HIRA: variants seen among roughly 807,000 people sequenced by gnomAD.
The protein encoded by HIRA is histone cell cycle regulator, also known as protein HIRA.
Under a neutral mutation model 126.6 loss-of-function variants are expected in HIRA, and 13 were observed. That is an observed-to-expected ratio of 0.10 (90% confidence interval 0.07 to 0.16). The LOEUF is 0.16. HIRA is among the 10% of genes least tolerant of loss of function. The pLI, the probability that HIRA is intolerant of heterozygous loss-of-function variation, is 1.00. For missense variants in HIRA, 834 were observed against 1,314.4 expected (o/e 0.63, Z 5.65); for synonymous variants, 511 against 520.0 (o/e 0.98, Z 0.24).
At chr22:19,404,939 G>C (rs1035258481) in intron 5 of HIRA, among the ~76,000 whole-genome samples, 2 of 152,038 alleles carry the variant, frequency 1.3e-5, no homozygotes, top group East Asian at 3.9e-4. Context: ...CCATCTAAAC[G>C]ACTGGAAGAA....
Position 19,351,340 on chromosome 22 carries a change from A to C in HIRA, c.2937+18T>G. 3 of 1,583,594 alleles carry C rather than the reference A, an allele frequency of 1.9e-6. No individual in the cohort carries two copies. The highest frequency in any genetic ancestry group is 2.6e-6 in the Non-Finnish European group (3 of 1,169,484). Reference sequence around the variant, plus strand: ...TTCAAGAAAGAATTCTTGCAGCAACAATGAAAGAAGCACCTACCACTACTG... The same window carrying C: ...TTCAAGAAAGAATTCTTGCAGCAACCATGAAAGAAGCACCTACCACTACTG... On this transcript the variant is annotated intron_variant, in intron 24 of 24. Coordinates refer to ENST00000263208, the MANE Select transcript of HIRA (RefSeq NM_003325.4). The surrounding 1 kb of genome is among the most constrained non-coding windows in gnomAD (Gnocchi z 4.8).
intron 10 of HIRA, among the ~76,000 whole-genome samples, chr22:19,388,236 C>T (rs939152072): frequency 2.0e-5 from 3 of 152,232 alleles, no homozygotes; most frequent in African/African-American, 7.2e-5. Flanking sequence ...TCATTCTCCT[C>T]GTCTTAGACA....
chr22:19,363,254 A>G (rs1009288196), intron 15 of HIRA, among the ~76,000 whole-genome samples: 1 of 151,506 alleles, frequency 6.6e-6, no homozygotes, highest in Non-Finnish European at 1.5e-5. Flanking sequence ...CAAAAAAAAC[A>G]AAAAAAAGAA....
intron 12 of HIRA, 130 bp downstream of exon 12, chr22:19,385,391 C>G: frequency 2.4e-6 from 2 of 833,150 alleles, no homozygotes; most frequent in Non-Finnish European, 3.7e-6. Context: ...CCAACAGGCC[C>G]GAGGCTGGCT....
Position 19,385,626 on chromosome 22 carries a change from C to T in HIRA, c.1224G>A (p.Gln408=), listed in dbSNP as rs373302942. Residue 408 remains glutamine, a synonymous_variant, in exon 12 of 25, where the codon CAG becomes CAA. Coordinates refer to ENST00000263208, the MANE Select transcript of HIRA (RefSeq NM_003325.4). ...NPEMLKYQRR[Q]QQQQLDQKSA... ...TCTTCTGGTCCAGCTGCTGCTGCTGCTGCCTTCGCTGGTACTTGAGCATCT... is the reference window on the plus strand; with the variant it reads ...TCTTCTGGTCCAGCTGCTGCTGCTGTTGCCTTCGCTGGTACTTGAGCATCT... 1.3e-5 allele frequency: 21 copies of T among 1,614,088 alleles called. No individual in the cohort carries two copies. The Admixed American group carries it at 2.0e-4, about 15-fold the overall frequency.
intron 24 of HIRA, among the ~76,000 whole-genome samples, chr22:19,335,984 C>CT: frequency 6.6e-6 from 1 of 152,142 alleles, no homozygotes; most frequent in Non-Finnish European, 1.5e-5. Context: ...TCTTTAATGA[C>CT]TTTAAGTAAA....
rs1227953958 is a variant in HIRA, at chr22:19,351,675, T to C, written c.2849-229A>G. ...CACTCACTTGCTCACTCCCCTGACA[T>C]CTGTAGTGCCTCCTCTGTGTGTTGG... is the stretch of plus-strand genomic sequence containing the variant. On this transcript the variant is annotated intron_variant, in intron 23 of 24. Coordinates refer to ENST00000263208, the MANE Select transcript of HIRA (RefSeq NM_003325.4). The surrounding 1 kb of genome is among the most constrained non-coding windows in gnomAD (Gnocchi z 4.8). Among the ~76,000 whole-genome samples, 1 of 152,118 alleles carries C rather than the reference T, an allele frequency of 6.6e-6. No individual in the cohort carries two copies. Among genetic ancestry groups the C allele is most frequent in the Non-Finnish European group, 1.5e-5 (1 of 68,006 alleles).
intron 15 of HIRA, chr22:19,365,839 C>T (rs972836359): frequency 6.6e-6 from 1 of 152,070 alleles, no homozygotes; most frequent in Non-Finnish European, 1.5e-5. Context: ...TTATAGTGCG[C>T]TATGCCAATT....
At chr22:19,398,988 C>A in intron 5 of HIRA, 1 of 358,616 alleles carries the variant, frequency 2.8e-6, no homozygotes, top group Non-Finnish European at 3.9e-6. Context: ...ACAAAAAAAC[C>A]AATGAAACAA....
Position 19,431,433 on chromosome 22 carries a change from C to G in HIRA, c.37+7G>C, listed in dbSNP as rs776583085. On this transcript the variant is annotated splice_region_variant and intron_variant, in intron 1 of 24. Transcript: ENST00000263208. ...CTCGGCCTCCCGCGACCCCTGCGCG[C>G]ACTCACCATTGTGGTTGACCCAGGT... 1 of 1,608,862 alleles carries G rather than the reference C, an allele frequency of 6.2e-7. No homozygotes were observed.
chr22:19,409,632 C>T (rs1601852298), intron 2 of HIRA, among the ~76,000 whole-genome samples: 5 of 152,176 alleles, frequency 3.3e-5, no homozygotes, highest in African/African-American at 9.7e-5. Flanking sequence ...CGAAGTTTAG[C>T]CCCTCACTTA....
At chr22:19,407,425 C>CA (rs533798188) in intron 3 of HIRA, 151 bp from the exon 4 acceptor site, 27 of 631,464 alleles carry the variant, frequency 4.3e-5, no homozygotes, top group Middle Eastern at 3.9e-4. Flanking sequence ...AAAAACAATT[C>CA]AGTTTAAGCA....
At chr22:19,346,682 C>T (rs782584343) in intron 24 of HIRA, among the ~76,000 whole-genome samples, 2 of 152,264 alleles carry the variant, frequency 1.3e-5, no homozygotes, top group East Asian at 1.9e-4. Flanking sequence ...TCTGGGAGAG[C>T]GTTTCTTTTC....
chr22:19,335,524 C>A (rs563315704), intron 24 of HIRA, among the ~76,000 whole-genome samples: 1 of 152,168 alleles, frequency 6.6e-6, no homozygotes, highest in African/African-American at 2.4e-5. Context: ...GGATTACAGG[C>A]GTGAGCCACC....
At chr22:19,393,683 C>T (rs2089200997) in intron 8 of HIRA, among the ~76,000 whole-genome samples, 1 of 152,114 alleles carries the variant, frequency 6.6e-6, no homozygotes, top group South Asian at 2.1e-4. Flanking sequence ...TAAACACGGG[C>T]AAAAGTGAGT....
At chr22:19,340,701 G>C (rs1454123208) in intron 24 of HIRA, among the ~76,000 whole-genome samples, 1 of 152,084 alleles carries the variant, frequency 6.6e-6, no homozygotes, top group Non-Finnish European at 1.5e-5. Flanking sequence ...ACACAAATCA[G>C]TAACACTGCT....
intron 1 of HIRA, among the ~76,000 whole-genome samples, chr22:19,423,473 A>T (rs1225979761): frequency 7.5e-6 from 1 of 133,976 alleles, no homozygotes; most frequent in East Asian, 2.1e-4. Flanking sequence ...ACTGACTCAC[A>T]CACATGCATA....
At chr22:19,338,498 G>T (rs1556006677) in intron 24 of HIRA, among the ~76,000 whole-genome samples, 2 of 151,286 alleles carry the variant, frequency 1.3e-5, no homozygotes. Flanking sequence ...TACTAACATT[G>T]AATGTAAATA....
intron 1 of HIRA, among the ~76,000 whole-genome samples, chr22:19,411,763 G>T (rs2089354802): frequency 6.6e-6 from 1 of 152,170 alleles, no homozygotes; most frequent in South Asian, 2.1e-4. Context: ...CCAAGAGGAG[G>T]CAATGTGGAC....
Sources: allele counts gnomAD v4.1 joint callset (sites outside exome capture counted in the v4.1 genomes callset), GRCh38; gene constraint gnomAD v4.1.1; non-coding constraint Gnocchi (gnomAD v3.1); transcripts MANE v1.5; gene names NCBI Gene and HGNC (gene_info 2026-07-23, HGNC 2026-07-21).